Variants in PLD5 observed in about 807,000 individuals in gnomAD.
PLD5 encodes the protein inactive phospholipase D5.
PLD5 carries 36 observed loss-of-function variants against 61.1 expected under a neutral mutation model. The observed-to-expected ratio is 0.59, with a 90% confidence interval of 0.45 to 0.78. PLD5 has a LOEUF of 0.78. PLD5 is among the 30% of genes least tolerant of loss of function. The pLI is 0.00. For missense variants in PLD5, 515 were observed against 644.4 expected (o/e 0.80, Z 2.17); for synonymous variants, 243 against 242.8 (o/e 1.00, Z -0.01).
chr1:242,239,593 C>T (rs545970129), intron 4 of PLD5, among the ~76,000 whole-genome samples: 22 of 152,256 alleles, frequency 1.4e-4, no homozygotes, highest in African/African-American at 5.3e-4. Context: ...AGAAGTCCTT[C>T]TTCCTGTCTC....
At chr1:242,287,130 A>G (rs994569546) in intron 3 of PLD5, among the ~76,000 whole-genome samples, 1 of 152,130 alleles carries the variant, frequency 6.6e-6, no homozygotes, top group Non-Finnish European at 1.5e-5. Flanking sequence ...AGAGCTCAAG[A>G]TGATTTACTG....
At chr1:242,476,191 C>G (rs972703381) in intron 1 of PLD5, among the ~76,000 whole-genome samples, 1 of 152,026 alleles carries the variant, frequency 6.6e-6, no homozygotes, top group African/African-American at 2.4e-5. Flanking sequence ...CCCGTCTCTA[C>G]TAAAAATACA....
chr1:242,475,614 A>G (rs1283554190), intron 1 of PLD5, among the ~76,000 whole-genome samples: 1 of 152,114 alleles, frequency 6.6e-6, no homozygotes, highest in Non-Finnish European at 1.5e-5. Context: ...GGAGACTCTA[A>G]ACATACTGTC....
chr1:242,189,445 CAAAAAAAA>C (rs58476673), intron 5 of PLD5, among the ~76,000 whole-genome samples: 4 of 70,436 alleles, frequency 5.7e-5, no homozygotes, highest in African/African-American at 9.1e-5. Context: ...GACTCCATCT[CAAAAAAAA>C]AAAAAAAAAA....
At chr1:242,487,510 A>G (rs1474721597) in intron 1 of PLD5, among the ~76,000 whole-genome samples, 1 of 152,242 alleles carries the variant, frequency 6.6e-6, no homozygotes, top group East Asian at 1.9e-4. Flanking sequence ...ACAATATCAA[A>G]GGCACAATCC....
intron 9 of PLD5, among the ~76,000 whole-genome samples, chr1:242,096,981 T>C (rs1328621229): frequency 6.8e-6 from 1 of 146,600 alleles, no homozygotes; most frequent in Non-Finnish European, 1.5e-5. Context: ...TTCCCACCTA[T>C]GAGTGAGAAC....
At chr1:242,216,713 A>C (rs1192367116) in intron 5 of PLD5, among the ~76,000 whole-genome samples, 1 of 152,246 alleles carries the variant, frequency 6.6e-6, no homozygotes, top group Non-Finnish European at 1.5e-5. Context: ...ACCCTCAGCC[A>C]AACTGACAGG....
At chr1:242,127,762 C>G (rs1291401699) in intron 5 of PLD5, among the ~76,000 whole-genome samples, 1 of 152,120 alleles carries the variant, frequency 6.6e-6, no homozygotes, top group African/African-American at 2.4e-5. Context: ...CACTAAAGAA[C>G]TTGTGTAATC....
At chr1:242,163,207 G>T (rs946083560) in intron 5 of PLD5, among the ~76,000 whole-genome samples, 1 of 150,024 alleles carries the variant, frequency 6.7e-6, no homozygotes, top group Non-Finnish European at 1.5e-5. Context: ...GCAGTGGCGC[G>T]ATCTCGGCTC....
At chr1:242,491,357 T>C (rs1468904750) in intron 1 of PLD5, among the ~76,000 whole-genome samples, 4 of 152,182 alleles carry the variant, frequency 2.6e-5, no homozygotes, top group Non-Finnish European at 5.9e-5. Context: ...TACAGAGATA[T>C]GTATAATAGA....
At chr1:242,415,708 T>C (rs1421025151) in intron 1 of PLD5, among the ~76,000 whole-genome samples, 1 of 151,790 alleles carries the variant, frequency 6.6e-6, no homozygotes. Flanking sequence ...AGAGACGGGG[T>C]TTCACCATGT....
At chr1:242,510,598 C>T (rs1410449484) in intron 1 of PLD5, among the ~76,000 whole-genome samples, 1 of 152,164 alleles carries the variant, frequency 6.6e-6, no homozygotes, top group Non-Finnish European at 1.5e-5. Flanking sequence ...GTAATCCCAG[C>T]ACTTTGGGAG....
chr1:242,458,132 C>T (rs545420943), intron 1 of PLD5, among the ~76,000 whole-genome samples: 47 of 152,302 alleles, frequency 3.1e-4, no homozygotes, highest in Admixed American at 9.8e-4. Flanking sequence ...CTCATTAAAA[C>T]CTCTGAGGCA....
At chr1:242,145,665 C>G (rs926768083) in intron 5 of PLD5, among the ~76,000 whole-genome samples, 2 of 152,076 alleles carry the variant, frequency 1.3e-5, no homozygotes, top group Non-Finnish European at 2.9e-5. Context: ...AACAGGAAGT[C>G]TCATAAAAGG....
At chr1:242,157,870 G>T (rs1274463459) in intron 5 of PLD5, among the ~76,000 whole-genome samples, 1 of 152,236 alleles carries the variant, frequency 6.6e-6, no homozygotes, top group Non-Finnish European at 1.5e-5. Flanking sequence ...GCTCTCTTCA[G>T]AGCTGTCAGG....
chr1:242,292,695 C>T (rs1368117565), intron 2 of PLD5, among the ~76,000 whole-genome samples: 2 of 152,090 alleles, frequency 1.3e-5, no homozygotes, highest in Admixed American at 6.6e-5. Flanking sequence ...ACCATAAGAA[C>T]ATTAATGAAA....
intron 1 of PLD5, among the ~76,000 whole-genome samples, chr1:242,427,838 C>T (rs547426355): frequency 6.6e-6 from 1 of 152,312 alleles, no homozygotes; most frequent in East Asian, 1.9e-4. Context: ...TTTCCCCATT[C>T]TTTTCCCCCA....
intron 1 of PLD5, among the ~76,000 whole-genome samples, chr1:242,392,531 T>G (rs1662994242): frequency 6.6e-6 from 1 of 152,178 alleles, no homozygotes; most frequent in South Asian, 2.1e-4. Context: ...GAGCCAAAGC[T>G]CTGTCTGCAG....
rs1265579976 is a variant in PLD5 at position 242,207,800 on chromosome 1, TTA to T, written c.735+12186_735+12187del. On this transcript the variant is annotated intron_variant, in intron 5 of 9. Coordinates refer to ENST00000536534, the MANE Select transcript of PLD5 (RefSeq NM_001372062.1). ...TATATATATTTATATTTATATATAT[TTA>T]TATATATTTATATTTATATATTTAT... 3.3e-3 allele frequency among the ~76,000 whole-genome samples: 283 copies of T among 85,916 alleles called. 13 individuals carry two copies. The highest frequency in any genetic ancestry group is 5.0e-3 in the Middle Eastern group (1 of 200). 56.4% of individuals were successfully genotyped at this position (85,916 alleles called of 152,430 possible). A position where few individuals can be genotyped will look rare whatever the true frequency, so the allele number is the denominator to read the frequency against.
Sources: allele counts gnomAD v4.1 joint callset (sites outside exome capture counted in the v4.1 genomes callset), GRCh38; gene constraint gnomAD v4.1.1; transcripts MANE v1.5; gene names NCBI Gene and HGNC (gene_info 2026-07-23, HGNC 2026-07-21).